Variants in PLXNC1 observed in about 807,000 individuals in gnomAD.
The protein encoded by PLXNC1 is plexin-C1.
PLXNC1 carries 75 observed loss-of-function variants against 178.2 expected under a neutral mutation model. That is an observed-to-expected ratio of 0.42 (90% CI 0.35 to 0.51). The LOEUF is 0.51. Ranked by LOEUF, PLXNC1 falls within the 20% of genes least tolerant of loss-of-function variation. The pLI, the probability that PLXNC1 is intolerant of heterozygous loss-of-function variation, is 0.02. For synonymous variants in PLXNC1, 790 were observed against 779.9 expected (o/e 1.01, Z -0.22); for missense variants, 1,503 against 1,984.4 (o/e 0.76, Z 4.61).
At position 94,300,976 on chromosome 12, in the gene PLXNC1, A is replaced by G. The variant is rs774630643; in HGVS notation, c.4305A>G (p.Thr1435=). The change falls in exon 28 of 31, where the codon ACA becomes ACG. Residue 1435 remains threonine, a synonymous_variant. Transcript: ENST00000258526. ...AGTTTGTCTTTGACATTAAGAAGAC[A>G]CCACATATAGACGGCTGTTTGTCAG... ...NPQFVFDIKK[T]PHIDGCLSVI... 3 of 1,613,858 alleles carry G rather than the reference A, an allele frequency of 1.9e-6. No individual in the cohort carries two copies. The South Asian group carries it at 3.3e-5, about 18-fold the overall frequency.
At chr12:94,224,198 G>A (rs757965960) in intron 6 of PLXNC1, 30 bp from the exon 7 acceptor site, 18 of 1,317,646 alleles carry the variant, frequency 1.4e-5, no homozygotes, top group Admixed American at 1.3e-4. Context: ...GGACTCCACC[G>A]TAAATGACAT....
At chr12:94,207,129 G>C (rs1257317642) in intron 4 of PLXNC1, among the ~76,000 whole-genome samples, 1 of 152,122 alleles carries the variant, frequency 6.6e-6, no homozygotes. Flanking sequence ...CTGGCCATCT[G>C]GTTATACATA....
In PLXNC1 at chr12:94,260,592, G is replaced by A; in HGVS notation, c.3252-50G>A. On this transcript the variant is annotated intron_variant, in intron 19 of 30. Coordinates refer to ENST00000258526, the MANE Select transcript of PLXNC1 (RefSeq NM_005761.3). This position sits in a 1 kb window ranked among gnomAD's most constrained non-coding sequence, Gnocchi z 4.4. Reference sequence around the variant, plus strand: ...AGCTTCCATGGAAACTCCCATGGGTGTCCAGCTAGGCCTGCAGCCAATGGT... The same window carrying A: ...AGCTTCCATGGAAACTCCCATGGGTATCCAGCTAGGCCTGCAGCCAATGGT... The A allele has an allele frequency of 7.1e-7, 1 of 1,408,774 alleles. No individual in the cohort carries two copies. The highest frequency in any genetic ancestry group is 1.7e-5 in the Admixed American group (1 of 57,758). The allele number at this position is 1,408,774 out of a possible 1,614,324, so 87.3% of individuals were successfully genotyped here.
At position 94,177,073 on chromosome 12, in the gene PLXNC1, G is replaced by GTGTGTATATATATA. The variant is rs1346448178; in HGVS notation, c.1204-4353_1204-4340dup. On this transcript the variant is annotated intron_variant, in intron 2 of 30. Transcript: ENST00000258526. The stretch of plus-strand genomic sequence containing the variant: ...TATATATGTGTGTGTGTGTGTGTGT[G>GTGTGTATATATATA]TGTGTATATATATATGTGTATATAT... 2.6e-3 allele frequency among the ~76,000 whole-genome samples: 359 copies of GTGTGTATATATATA among 136,400 alleles called. 1 individual carries two copies. The highest frequency in any genetic ancestry group is 4.2e-3 in the Non-Finnish European group (270 of 64,400). The allele number at this position is 136,400 out of a possible 152,430, so 89.5% of individuals were successfully genotyped here.
At chr12:94,215,809 CTAAT>C (rs999041636) in intron 5 of PLXNC1, among the ~76,000 whole-genome samples, 9 of 152,062 alleles carry the variant, frequency 5.9e-5, no homozygotes, top group Admixed American at 2.0e-4. Flanking sequence ...AAAATTTAGA[CTAAT>C]TAAGAAATTG....
At chr12:94,255,130 A>T in intron 16 of PLXNC1, 63 bp from the exon 17 acceptor site, 1 of 1,271,644 alleles carries the variant, frequency 7.9e-7, no homozygotes, top group South Asian at 1.2e-5. Flanking sequence ...TAGACAAAAC[A>T]GCAGAAGATC....
rs1241459238 is a variant in PLXNC1 at position 94,196,845 on chromosome 12, C to G, written c.1439+10372C>G. ...CCCATGAAGAAAGCACTATTACAATCCCCACTTCTTAGAGAACAGCCTTAG... is the reference window on the plus strand; with the variant it reads ...CCCATGAAGAAAGCACTATTACAATGCCCACTTCTTAGAGAACAGCCTTAG... On this transcript the variant is annotated intron_variant, in intron 4 of 30. Coordinates refer to ENST00000258526, the MANE Select transcript of PLXNC1 (RefSeq NM_005761.3). Among the ~76,000 whole-genome samples the G allele has an allele frequency of 3.9e-5, 6 of 152,342 alleles. No individual in the cohort carries two copies. The South Asian group carries it at 6.2e-4, about 16-fold the overall frequency.
At chr12:94,284,317 G>C (rs192552158) in intron 23 of PLXNC1, among the ~76,000 whole-genome samples, 1 of 152,196 alleles carries the variant, frequency 6.6e-6, no homozygotes, top group East Asian at 1.9e-4. Context: ...GGCTGTTGTT[G>C]TCTTTGTTTT....
intron 9 of PLXNC1, among the ~76,000 whole-genome samples, chr12:94,231,823 GC>G (rs1159000657): frequency 6.6e-6 from 1 of 152,068 alleles, no homozygotes; most frequent in Non-Finnish European, 1.5e-5. Context: ...CTTTTACCCT[GC>G]CCTGACCACT....
At chr12:94,265,322 C>T in intron 21 of PLXNC1, 97 bp downstream of exon 21, 1 of 1,105,998 alleles carries the variant, frequency 9.0e-7, no homozygotes, top group Non-Finnish European at 1.3e-6. Context: ...GGTATCATCT[C>T]TACTGCGGGA....
chr12:94,254,529 C>T, intron 15 of PLXNC1: 1 of 620,940 alleles, frequency 1.6e-6, no homozygotes, highest in Non-Finnish European at 3.0e-6. Flanking sequence ...TTAGCTTTCA[C>T]TTGTAAAATG....
chr12:94,202,883 A>G (rs1963183252), intron 4 of PLXNC1, among the ~76,000 whole-genome samples: 1 of 152,222 alleles, frequency 6.6e-6, no homozygotes, highest in South Asian at 2.1e-4. Flanking sequence ...CATGTATTGC[A>G]GACTGAGGTG....
intron 2 of PLXNC1, among the ~76,000 whole-genome samples, chr12:94,172,265 T>G (rs1297098073): frequency 6.6e-6 from 1 of 152,108 alleles, no homozygotes; most frequent in Non-Finnish European, 1.5e-5. Context: ...ACTCATCAGT[T>G]TCTGAGTGAT....
intron 1 of PLXNC1, chr12:94,168,066 G>A (rs1961688619): frequency 2.6e-5 from 4 of 152,162 alleles, no homozygotes; most frequent in African/African-American, 4.8e-5. Context: ...CACTGTTGGC[G>A]ATAATATAAT....
At chr12:94,199,499 T>C (rs888213933) in intron 4 of PLXNC1, among the ~76,000 whole-genome samples, 3 of 152,164 alleles carry the variant, frequency 2.0e-5, no homozygotes, top group African/African-American at 7.2e-5. Context: ...AGGGAATTAC[T>C]GAATTACCGT....
chr12:94,242,943 T>A lies in PLXNC1; in HGVS notation c.2301-995T>A, dbSNP rs184979155. Among the ~76,000 whole-genome samples the A allele has an allele frequency of 9.8e-5, 15 of 152,332 alleles. No homozygotes were observed. The East Asian group carries it at 2.9e-3, about 29-fold the overall frequency. On this transcript the variant is annotated intron_variant, in intron 11 of 30. Transcript: ENST00000258526. ...AGCAGTATCCTGCTTTGCTATAAAG[T>A]AAGAGGCTCCCTACTGTTCTGTCAC... is the stretch of plus-strand genomic sequence containing the variant.
chr12:94,249,619 A>T, intron 14 of PLXNC1, among the ~76,000 whole-genome samples: 1 of 152,096 alleles, frequency 6.6e-6, no homozygotes. Context: ...AAGCCAAAGC[A>T]GGAGGATCAC....
chr12:94,244,873 C>T (rs760101648), intron 12 of PLXNC1, among the ~76,000 whole-genome samples: 4 of 152,230 alleles, frequency 2.6e-5, no homozygotes, highest in Non-Finnish European at 4.4e-5. Flanking sequence ...GTCAGGCCTC[C>T]AAGTGTACTT....
chr12:94,287,203 G>T (rs1273587107), intron 23 of PLXNC1, among the ~76,000 whole-genome samples: 1 of 152,212 alleles, frequency 6.6e-6, no homozygotes, highest in African/African-American at 2.4e-5. Flanking sequence ...CAGACAAAGG[G>T]TTAAGCGTGT....
Sources: gnomAD v4.1 joint callset for allele counts (sites outside exome capture counted in the v4.1 genomes callset) on GRCh38, gnomAD v4.1.1 for gene constraint, Gnocchi (gnomAD v3.1) non-coding constraint, MANE v1.5 for transcripts, NCBI Gene and HGNC (gene_info 2026-07-23, HGNC 2026-07-21) for gene names.